The following FRMD3 variants were observed in gnomAD, a reference collection of about 807,000 sequenced individuals.
The protein encoded by FRMD3 is FERM domain-containing protein 3.
In FRMD3, 33 loss-of-function variants were observed where a neutral mutation model predicts 70.2. That is an observed-to-expected ratio of 0.47 (90% CI 0.36 to 0.63). FRMD3 has a LOEUF of 0.63. Among genes scored for constraint, FRMD3 ranks in the 20% least tolerant of loss-of-function variants. The pLI, the probability that FRMD3 is intolerant of heterozygous loss-of-function variation, is 0.00. For synonymous variants in FRMD3, 279 were observed against 255.9 expected (o/e 1.09, Z -0.86); for missense variants, 632 against 711.4 (o/e 0.89, Z 1.27).
intron 3 of FRMD3, among the ~76,000 whole-genome samples, chr9:83,355,736 G>C (rs1005052294): frequency 9.9e-5 from 15 of 152,182 alleles, no homozygotes; most frequent in African/African-American, 2.7e-4. Context: ...ATGGGAGGTG[G>C]AAATAGGAGG....
chr9:83,290,744 G>A lies in FRMD3; in HGVS notation c.1071-17C>T. The A allele has an allele frequency of 1.3e-6, 2 of 1,592,882 alleles. No individual in the cohort carries two copies. Among genetic ancestry groups the A allele is most frequent in the Non-Finnish European group, 1.7e-6 (2 of 1,168,796 alleles). On this transcript the variant is annotated splice_polypyrimidine_tract_variant and intron_variant, in intron 12 of 13. Transcript: ENST00000304195. ...ATGTTGGCTCTGAAAACAGACACAA[G>A]CCAGACAGAGTTGGTTTCCATCACA...
intron 1 of FRMD3, among the ~76,000 whole-genome samples, chr9:83,486,151 C>T (rs1828685845): frequency 6.6e-6 from 1 of 152,196 alleles, no homozygotes; most frequent in South Asian, 2.1e-4. Flanking sequence ...GAATAATATC[C>T]TATGAATATA....
At chr9:83,354,387 A>T (rs1345480575) in intron 3 of FRMD3, among the ~76,000 whole-genome samples, 1 of 152,224 alleles carries the variant, frequency 6.6e-6, no homozygotes, top group Non-Finnish European at 1.5e-5. Flanking sequence ...TATCCTAGGC[A>T]AATTAACACA....
chr9:83,399,335 A>G (rs1825889047), intron 1 of FRMD3, among the ~76,000 whole-genome samples: 1 of 152,134 alleles, frequency 6.6e-6, no homozygotes, highest in Non-Finnish European at 1.5e-5. Context: ...TTTCATTCTA[A>G]AAGATGCCTT....
intron 12 of FRMD3, among the ~76,000 whole-genome samples, chr9:83,295,973 A>G (rs1302724031): frequency 6.6e-6 from 1 of 152,214 alleles, no homozygotes; most frequent in Non-Finnish European, 1.5e-5. Context: ...TTCTCTACAT[A>G]AACACACACA....
chr9:83,490,679 G>C (rs967378994), intron 1 of FRMD3, among the ~76,000 whole-genome samples: 1 of 151,954 alleles, frequency 6.6e-6, no homozygotes, highest in Middle Eastern at 3.4e-3. Context: ...AATACTTTAG[G>C]GGGAAAATTG....
chr9:83,262,225 C>T (rs1161920857), intron 13 of FRMD3, among the ~76,000 whole-genome samples: 2 of 152,202 alleles, frequency 1.3e-5, no homozygotes, highest in African/African-American at 2.4e-5. Context: ...TACATCCAAA[C>T]CCAAATGCAT....
At chr9:83,428,222 C>T (rs1021791261) in intron 1 of FRMD3, among the ~76,000 whole-genome samples, 1 of 151,782 alleles carries the variant, frequency 6.6e-6, no homozygotes, top group East Asian at 1.9e-4. Context: ...ACTAAAAATA[C>T]AAAAAATTAG....
intron 13 of FRMD3, among the ~76,000 whole-genome samples, chr9:83,260,473 G>A (rs1461449184): frequency 1.3e-5 from 2 of 152,072 alleles, no homozygotes; most frequent in Non-Finnish European, 2.9e-5. Flanking sequence ...CTGAACCCAT[G>A]GTGTCCTTAC....
intron 13 of FRMD3, among the ~76,000 whole-genome samples, chr9:83,251,062 G>C (rs1832393086): frequency 6.6e-6 from 1 of 152,200 alleles, no homozygotes. Flanking sequence ...CTGACTGAGT[G>C]GGAACTCACA....
At chr9:83,417,192 G>A (rs1364258738) in intron 1 of FRMD3, among the ~76,000 whole-genome samples, 1 of 152,132 alleles carries the variant, frequency 6.6e-6, no homozygotes, top group Non-Finnish European at 1.5e-5. Context: ...CCCACAGTAG[G>A]ATATACATTT....
intron 1 of FRMD3, among the ~76,000 whole-genome samples, chr9:83,504,449 A>G (rs962695507): frequency 1.3e-5 from 2 of 152,092 alleles, no homozygotes; most frequent in African/African-American, 4.8e-5. Flanking sequence ...TAAGACCCTC[A>G]GGTTGTCTGC....
chr9:83,334,316 T>C (rs1325752197), intron 6 of FRMD3, among the ~76,000 whole-genome samples: 1 of 152,222 alleles, frequency 6.6e-6, no homozygotes, highest in Non-Finnish European at 1.5e-5. Flanking sequence ...AGTAGTACAA[T>C]GTTTTGATGT....
At chr9:83,469,824 C>G (rs2375928) in intron 1 of FRMD3, among the ~76,000 whole-genome samples, 77,255 of 152,046 alleles carry the variant, frequency 0.51, 19,900 homozygotes, top group Middle Eastern at 0.59. Context: ...TGTCTTCTCA[C>G]CAATGAGAGA....
chr9:83,310,462 G>A, intron 9 of FRMD3, 23 bp downstream of exon 9: 3 of 1,585,612 alleles, frequency 1.9e-6, no homozygotes, highest in Non-Finnish European at 2.6e-6. Flanking sequence ...ATAACAGGCA[G>A]TTAAAAAAAA....
intron 10 of FRMD3, among the ~76,000 whole-genome samples, chr9:83,308,287 TACC>T (rs1835217321): frequency 1.3e-5 from 2 of 152,226 alleles, no homozygotes; most frequent in African/African-American, 2.4e-5. Context: ...AGGCCCCATC[TACC>T]ACCACAACTT....
intron 1 of FRMD3, among the ~76,000 whole-genome samples, chr9:83,404,680 GTATATT>G (rs2131325889): frequency 6.6e-6 from 1 of 152,298 alleles, no homozygotes; most frequent in Non-Finnish European, 1.5e-5. Flanking sequence ...ATGTTTGTGT[GTATATT>G]TATATGTACA....
intron 1 of FRMD3, among the ~76,000 whole-genome samples, chr9:83,427,229 A>T (rs941296626): frequency 2.0e-5 from 3 of 152,216 alleles, no homozygotes; most frequent in Admixed American, 6.5e-5. Flanking sequence ...GATTCCACAC[A>T]TCAGGAAACC....
intron 1 of FRMD3, among the ~76,000 whole-genome samples, chr9:83,474,123 G>A (rs1828337350): frequency 6.6e-6 from 1 of 152,138 alleles, no homozygotes; most frequent in African/African-American, 2.4e-5. Flanking sequence ...AAAGTAACAT[G>A]AAAAACACTT....
Sources: gnomAD v4.1 joint callset for allele counts (sites outside exome capture counted in the v4.1 genomes callset) on GRCh38, gnomAD v4.1.1 for gene constraint, MANE v1.5 for transcripts, NCBI Gene and HGNC (gene_info 2026-07-23, HGNC 2026-07-21) for gene names.